Variants in HIRA observed in about 807,000 individuals in gnomAD.
HIRA encodes histone cell cycle regulator, also known as protein HIRA.
Under a neutral mutation model 126.6 loss-of-function variants are expected in HIRA, and 13 were observed. The observed-to-expected ratio is 0.10, with a 90% CI of 0.07 to 0.16. The LOEUF (loss-of-function observed/expected upper bound fraction) is 0.16. Ranked by LOEUF, HIRA falls within the 10% of genes least tolerant of loss-of-function variation. HIRA has a pLI of 1.00. For missense variants in HIRA, 834 were observed against 1,314.4 expected (o/e 0.63, Z 5.65); for synonymous variants, 511 against 520.0 (o/e 0.98, Z 0.24).
At chr22:19,387,975 G>A (rs5992396) in intron 10 of HIRA, among the ~76,000 whole-genome samples, 159 bp from the exon 11 acceptor site, 19 of 151,258 alleles carry the variant, frequency 1.3e-4, no homozygotes, top group South Asian at 4.2e-4. Context: ...GCCTGGGCGG[G>A]GGGGGGAGGG....
intron 24 of HIRA, among the ~76,000 whole-genome samples, chr22:19,346,683 G>A (rs1409057581): frequency 6.6e-6 from 1 of 152,202 alleles, no homozygotes; most frequent in East Asian, 1.9e-4. Context: ...CTGGGAGAGC[G>A]TTTCTTTTCT....
chr22:19,381,050 GGT>G (rs1424755813), intron 13 of HIRA, among the ~76,000 whole-genome samples: 1 of 152,170 alleles, frequency 6.6e-6, no homozygotes, highest in Non-Finnish European at 1.5e-5. Flanking sequence ...GCTAATCAAT[GGT>G]ATGAATTTCT....
chr22:19,371,243 T>TG (rs541256113), intron 15 of HIRA, among the ~76,000 whole-genome samples: 179 of 152,268 alleles, frequency 1.2e-3, no homozygotes, highest in African/African-American at 4.2e-3. Context: ...CACATCCTCC[T>TG]GGGGGGACTC....
At chr22:19,357,706 G>A (rs1036304168) in intron 18 of HIRA, among the ~76,000 whole-genome samples, 1 of 152,158 alleles carries the variant, frequency 6.6e-6, no homozygotes, top group Non-Finnish European at 1.5e-5. Flanking sequence ...TCAGACGCAG[G>A]CAGGGGTAGC....
chr22:19,431,292 CA>C (rs2089536265), intron 1 of HIRA, 147 bp downstream of exon 1: 4 of 885,974 alleles, frequency 4.5e-6, no homozygotes, highest in Non-Finnish European at 7.1e-6. Context: ...GCGCTGAGGA[CA>C]AAGTCCGCTC....
intron 1 of HIRA, among the ~76,000 whole-genome samples, chr22:19,418,035 T>C (rs1348316934): frequency 6.6e-6 from 1 of 152,178 alleles, no homozygotes; most frequent in African/African-American, 2.4e-5. Flanking sequence ...CTATGAATAG[T>C]CAAATTCATA....
chr22:19,417,365 T>C (rs560089927), intron 1 of HIRA, among the ~76,000 whole-genome samples: 1 of 152,180 alleles, frequency 6.6e-6, no homozygotes, highest in East Asian at 1.9e-4. Flanking sequence ...GGCTCATGCC[T>C]GTAATCCCAG....
At chr22:19,431,408 C>T in intron 1 of HIRA, 32 bp downstream of exon 1, 3 of 1,605,650 alleles carry the variant, frequency 1.9e-6, no homozygotes, top group Non-Finnish European at 1.7e-6. Context: ...CGACTCCGGG[C>T]TCGGCCTCCC....
At chr22:19,428,321 A>T (rs1413395722) in intron 1 of HIRA, among the ~76,000 whole-genome samples, 1 of 152,210 alleles carries the variant, frequency 6.6e-6, no homozygotes, top group African/African-American at 2.4e-5. Flanking sequence ...ATACAACTAG[A>T]AGTTGTATCA....
chr22:19,394,884 T>C (rs919627376), intron 7 of HIRA, among the ~76,000 whole-genome samples: 1 of 152,180 alleles, frequency 6.6e-6, no homozygotes, highest in Non-Finnish European at 1.5e-5. Flanking sequence ...CAGCATGGCA[T>C]CTGCACAGCA....
intron 15 of HIRA, among the ~76,000 whole-genome samples, chr22:19,367,414 T>C (rs1211280956): frequency 5.3e-5 from 8 of 151,436 alleles, no homozygotes; most frequent in Non-Finnish European, 1.2e-4. Flanking sequence ...TTGCTCAGGC[T>C]GGAATGCAGT....
chr22:19,375,466 C>G lies in HIRA; in HGVS notation c.1775+165G>C, dbSNP rs547463892. Among the ~76,000 whole-genome samples, 3 of 152,334 alleles carry G rather than the reference C, an allele frequency of 2.0e-5. No homozygotes were observed. In the East Asian group the frequency reaches 5.8e-4, roughly 29 times the overall value. On this transcript the variant is annotated intron_variant, in intron 15 of 24. Coordinates refer to ENST00000263208, the MANE Select transcript of HIRA (RefSeq NM_003325.4). ...CCACTTCAAGGAACCACCTCTTTCT[C>G]CTGGTGGCTCACTAAGGGCTCTGCA... is the stretch of plus-strand genomic sequence containing the variant.
At chr22:19,402,100 C>G (rs545174886) in intron 5 of HIRA, among the ~76,000 whole-genome samples, 2 of 152,342 alleles carry the variant, frequency 1.3e-5, no homozygotes, top group African/African-American at 4.8e-5. Flanking sequence ...TGGCCCCCAG[C>G]ACTCATCTTC....
intron 1 of HIRA, among the ~76,000 whole-genome samples, chr22:19,423,034 C>T (rs1010813975): frequency 1.3e-5 from 2 of 152,198 alleles, no homozygotes; most frequent in Non-Finnish European, 1.5e-5. Context: ...CTTGCCTTCT[C>T]CCTCTGTCTG....
chr22:19,360,876 T>G (rs2238766), intron 17 of HIRA, among the ~76,000 whole-genome samples: 20,835 of 152,190 alleles, frequency 0.14, 2,852 homozygotes, highest in African/African-American at 0.35. Context: ...TGACCACACA[T>G]TCCCACAGAC....
intron 1 of HIRA, among the ~76,000 whole-genome samples, chr22:19,421,869 G>A (rs1472931102): frequency 2.6e-5 from 4 of 151,948 alleles, no homozygotes; most frequent in Non-Finnish European, 5.9e-5. Flanking sequence ...ACGCATTTTT[G>A]CCATGTTGGC....
At chr22:19,385,805 G>T in intron 11 of HIRA, 69 bp from the exon 12 acceptor site, 1 of 1,444,592 alleles carries the variant, frequency 6.9e-7, no homozygotes, top group Non-Finnish European at 9.6e-7. Flanking sequence ...CCCACCAGCA[G>T]GCAAACTACA....
At chr22:19,402,805 T>C (rs894711249) in intron 5 of HIRA, among the ~76,000 whole-genome samples, 2 of 152,124 alleles carry the variant, frequency 1.3e-5, no homozygotes, top group South Asian at 2.1e-4. Flanking sequence ...GACTCTACCA[T>C]GTTAAGGAAA....
chr22:19,430,672 C>A (rs1487675728), intron 1 of HIRA, among the ~76,000 whole-genome samples: 1 of 151,970 alleles, frequency 6.6e-6, no homozygotes, highest in Non-Finnish European at 1.5e-5. Context: ...TTCATCTACC[C>A]GGGGAGCAAA....
Sources: allele counts gnomAD v4.1 joint callset (sites outside exome capture counted in the v4.1 genomes callset), GRCh38; gene constraint gnomAD v4.1.1; transcripts MANE v1.5; gene names NCBI Gene and HGNC (gene_info 2026-07-23, HGNC 2026-07-21).